MLLT10: variants seen among roughly 807,000 people sequenced by gnomAD.
The protein encoded by MLLT10 is MLLT10 histone lysine methyltransferase DOT1L cofactor, also known as protein AF-10.
MLLT10 carries 30 observed loss-of-function variants against 129.1 expected under a neutral mutation model. That is an observed-to-expected ratio of 0.23 (90% CI 0.17 to 0.32). The LOEUF (loss-of-function observed/expected upper bound fraction) is 0.32. Among genes scored for constraint, MLLT10 ranks in the 10% least tolerant of loss-of-function variants. The pLI, the probability that MLLT10 is intolerant of heterozygous loss-of-function variation, is 1.00. For synonymous variants in MLLT10, 490 were observed against 446.4 expected, an observed-to-expected ratio of 1.10 and a Z score of -1.23; for missense variants, 1,119 against 1,268.3, an observed-to-expected ratio of 0.88 and a Z score of 1.79.
intron 7 of MLLT10, among the ~76,000 whole-genome samples, chr10:21,616,811 A>C (rs2045311812): frequency 6.6e-6 from 1 of 151,874 alleles, no homozygotes; most frequent in Non-Finnish European, 1.5e-5. Context: ...TTGTATTGAA[A>C]CTTTTTATTT....
chr10:21,615,460 A>G (rs2045148085), intron 7 of MLLT10, among the ~76,000 whole-genome samples: 1 of 132,908 alleles, frequency 7.5e-6, no homozygotes, highest in South Asian at 2.3e-4. Context: ...TCCGTCTCAA[A>G]AAAAAAAAAA....
At chr10:21,589,489 G>C (rs1469517767) in intron 4 of MLLT10, among the ~76,000 whole-genome samples, 1 of 151,974 alleles carries the variant, frequency 6.6e-6, no homozygotes, top group African/African-American at 2.4e-5. Context: ...ACTGCACCTG[G>C]TGTAAACCTT....
intron 13 of MLLT10, among the ~76,000 whole-genome samples, chr10:21,683,957 T>A (rs534184542): frequency 5.4e-4 from 82 of 152,262 alleles, no homozygotes; most frequent in Non-Finnish European, 9.1e-4. Flanking sequence ...GAATCTTTTA[T>A]CTTTATGAAC....
chr10:21,565,816 G>T (rs575993037), intron 3 of MLLT10, among the ~76,000 whole-genome samples: 2 of 151,294 alleles, frequency 1.3e-5, no homozygotes, highest in Non-Finnish European at 2.9e-5. Context: ...ATGTTGCCCA[G>T]CCTGGTCTCG....
intron 9 of MLLT10, among the ~76,000 whole-genome samples, chr10:21,653,754 A>G (rs1196228583): frequency 1.3e-5 from 2 of 152,192 alleles, no homozygotes; most frequent in Admixed American, 6.5e-5. Context: ...AATATTAGAC[A>G]TCTGAGTAGA....
chr10:21,638,223 G>A (rs988348469), intron 8 of MLLT10, among the ~76,000 whole-genome samples: 4 of 122,184 alleles, frequency 3.3e-5, no homozygotes, highest in African/African-American at 3.1e-5. Context: ...TTTGTGGACC[G>A]CATTTAGTCT....
intron 4 of MLLT10, among the ~76,000 whole-genome samples, chr10:21,588,967 G>A (rs1409471879): frequency 2.0e-5 from 3 of 151,698 alleles, no homozygotes; most frequent in African/African-American, 4.8e-5. Context: ...GGGATTATAG[G>A]CACACACCAC....
At chr10:21,691,029 C>G (rs2053797695) in intron 13 of MLLT10, among the ~76,000 whole-genome samples, 1 of 152,108 alleles carries the variant, frequency 6.6e-6, no homozygotes, top group South Asian at 2.1e-4. Context: ...CCAAATGTTG[C>G]TTATCTTATT....
intron 3 of MLLT10, among the ~76,000 whole-genome samples, chr10:21,580,126 C>T (rs2041245818): frequency 6.6e-6 from 1 of 151,134 alleles, no homozygotes; most frequent in Admixed American, 6.6e-5. Context: ...ACAAGTGATC[C>T]TCCTGCCTCA....
At chr10:21,664,924 A>T (rs971634676) in intron 9 of MLLT10, among the ~76,000 whole-genome samples, 1 of 150,298 alleles carries the variant, frequency 6.7e-6, no homozygotes, top group Admixed American at 6.6e-5. Context: ...TATATTTAAA[A>T]TAGGCTTCTT....
At chr10:21,676,245 G>GTCTCTA (rs2052085213) in intron 11 of MLLT10, among the ~76,000 whole-genome samples, 1 of 151,704 alleles carries the variant, frequency 6.6e-6, no homozygotes, top group Non-Finnish European at 1.5e-5. Context: ...GTGAAACCCT[G>GTCTCTA]TCTCTACTAA....
chr10:21,596,199 T>C (rs549615415), intron 5 of MLLT10, among the ~76,000 whole-genome samples: 13 of 152,284 alleles, frequency 8.5e-5, no homozygotes, highest in Non-Finnish European at 1.8e-4. Context: ...CATAATCTTA[T>C]TCAGGTTCAT....
At chr10:21,685,367 C>A (rs1589633986) in intron 13 of MLLT10, among the ~76,000 whole-genome samples, 1 of 152,154 alleles carries the variant, frequency 6.6e-6, no homozygotes, top group African/African-American at 2.4e-5. Context: ...TGGAGTCTCA[C>A]TCTGTTGCAC....
intron 14 of MLLT10, among the ~76,000 whole-genome samples, chr10:21,718,675 TTA>T (rs1278512079): frequency 6.6e-6 from 1 of 152,234 alleles, no homozygotes; most frequent in Non-Finnish European, 1.5e-5. Flanking sequence ...CAAGGTTTAT[TTA>T]TGTGATATTT....
chr10:21,648,492 A>G (rs1003514536), intron 8 of MLLT10, among the ~76,000 whole-genome samples: 7 of 152,216 alleles, frequency 4.6e-5, no homozygotes, highest in African/African-American at 7.2e-5. Flanking sequence ...ATCATTCACC[A>G]TTAAATTATC....
rs372669501 is a variant in MLLT10 at position 21,595,290 on chromosome 10, C to A, written c.296-41C>A. The A allele has an allele frequency of 5.3e-6, 8 of 1,518,078 alleles. No individual in the cohort carries two copies. The East Asian group carries it at 1.1e-4, about 21-fold the overall frequency. The allele number at this position is 1,518,078 out of a possible 1,614,324, so 94.0% of individuals were successfully genotyped here. A position where few individuals can be genotyped will look rare whatever the true frequency, so the allele number is the denominator to read the frequency against. ...GAAGTTAACGGTGTTAATTTGCTTT[C>A]GATAAAACTGAAAAGATGACATTTA... On this transcript the variant is annotated intron_variant, in intron 4 of 22. Transcript: ENST00000307729.
chr10:21,636,642 T>G (rs955403785), intron 8 of MLLT10, among the ~76,000 whole-genome samples: 1 of 151,994 alleles, frequency 6.6e-6, no homozygotes, highest in African/African-American at 2.4e-5. Flanking sequence ...TGGTGCGATC[T>G]TAGCTCACTG....
At chr10:21,554,897 C>G (rs1388603150) in intron 3 of MLLT10, among the ~76,000 whole-genome samples, 2 of 151,814 alleles carry the variant, frequency 1.3e-5, no homozygotes, top group African/African-American at 4.8e-5. Flanking sequence ...TCTTGGCTCA[C>G]TGCAACCCCT....
intron 3 of MLLT10, among the ~76,000 whole-genome samples, chr10:21,569,736 T>A (rs1268217505): frequency 6.6e-6 from 1 of 151,160 alleles, no homozygotes; most frequent in African/African-American, 2.4e-5. Context: ...AGTTAATTTT[T>A]AAAAAATCTT....
Sources: allele counts gnomAD v4.1 joint callset (sites outside exome capture counted in the v4.1 genomes callset), GRCh38; gene constraint gnomAD v4.1.1; transcripts MANE v1.5; gene names NCBI Gene and HGNC (gene_info 2026-07-23, HGNC 2026-07-21).